Variants in ZNF93 observed in about 807,000 individuals in gnomAD.
ZNF93 encodes the protein zinc finger protein 505.
A neutral mutation model predicts 45.0 loss-of-function variants in ZNF93; 29 were observed. The ratio of observed to expected loss-of-function variants is 0.64; its 90% CI spans 0.48 to 0.88. The LOEUF is 0.88. Ranked by LOEUF, ZNF93 falls within the 40% of genes least tolerant of loss-of-function variation. The probability of loss-of-function intolerance (pLI) is 0.00; values close to 1 mark genes in which losing one functional copy is unlikely to be tolerated. For synonymous variants in ZNF93, 223 were observed against 244.6 expected, an observed-to-expected ratio of 0.91 and a Z score of 0.82; for missense variants, 578 against 724.0, an observed-to-expected ratio of 0.80 and a Z score of 2.31.
rs771506060 is a variant in ZNF93, at chr19:19,934,540, A to C, written c.1585A>C (p.Lys529Gln). ...NQSSTLIKHK[K>Q]IHTREKPYKC... is the part of the protein sequence containing the mutation. ...GTCCTCAACCCTTATTAAACATAAG[A>C]AAATTCATACTAGAGAGAAACCCTA... The change falls in exon 4 of 4, where the codon AAA becomes CAA. Residue 529 changes from lysine to glutamine, a missense_variant. This residue lies in a region of ZNF93 where 119 missense variants were observed against 123.1 expected (regional missense o/e 0.97). Coordinates refer to ENST00000343769, the MANE Select transcript of ZNF93 (RefSeq NM_031218.4). The C allele has an allele frequency of 2.5e-6, 4 of 1,613,486 alleles. No homozygotes were observed. The South Asian group carries it at 4.4e-5, about 18-fold the overall frequency.
intron 3 of ZNF93, among the ~76,000 whole-genome samples, chr19:19,921,753 C>T (rs2122182979): frequency 6.6e-6 from 1 of 151,996 alleles, no homozygotes; most frequent in South Asian, 2.1e-4. Flanking sequence ...TTATCAGAGA[C>T]TAGGATTGCA....
intron 3 of ZNF93, among the ~76,000 whole-genome samples, chr19:19,925,940 G>A (rs1047244477): frequency 6.5e-4 from 99 of 152,034 alleles, no homozygotes; most frequent in African/African-American, 2.3e-3. Flanking sequence ...AATTTATTAA[G>A]TTTCTTATTA....
rs146610696 is a variant in ZNF93, at chr19:19,934,311, C to G, written c.1356C>G (p.Pro452=). ...AGATCATTCATACTGGAAAGAAACCCTACAAGTGTGAAGAATGTGGCAAAG... is the reference window on the plus strand; with the variant it reads ...AGATCATTCATACTGGAAAGAAACCGTACAAGTGTGAAGAATGTGGCAAAG... ...KHEIIHTGKK[P]YKCEECGKAF... The change falls in exon 4 of 4, where the codon CCC becomes CCG. Residue 452 remains proline, a synonymous_variant. Coordinates refer to ENST00000343769, the MANE Select transcript of ZNF93 (RefSeq NM_031218.4). 4 of 1,596,042 alleles carry G rather than the reference C, an allele frequency of 2.5e-6. No homozygotes were observed. The African/African-American group carries it at 4.0e-5, about 16-fold the overall frequency.
intron 2 of ZNF93, 114 bp downstream of exon 2, chr19:19,915,520 T>G: frequency 7.2e-7 from 1 of 1,388,568 alleles, no homozygotes; most frequent in Non-Finnish European, 9.6e-7. Flanking sequence ...CAGATCCATT[T>G]TTTCCAGAAA....
chr19:19,914,996 A>G (rs982086614), intron 1 of ZNF93, among the ~76,000 whole-genome samples: 6 of 152,230 alleles, frequency 3.9e-5, no homozygotes, highest in Admixed American at 3.3e-4. Flanking sequence ...TATGATGTAA[A>G]TATAGCACTC....
At chr19:19,915,019 G>T (rs1191832027) in intron 1 of ZNF93, among the ~76,000 whole-genome samples, 1 of 152,086 alleles carries the variant, frequency 6.6e-6, no homozygotes, top group Non-Finnish European at 1.5e-5. Flanking sequence ...AAATGTACAT[G>T]TTCATGTTCA....
At chr19:19,906,573 T>C (rs920439870) in intron 1 of ZNF93, among the ~76,000 whole-genome samples, 18 of 152,192 alleles carry the variant, frequency 1.2e-4, no homozygotes, top group Non-Finnish European at 4.4e-5. Flanking sequence ...TACAGTTGCT[T>C]TTCGTAGCTT....
chr19:19,900,960 C>T lies in ZNF93; in HGVS notation c.-129C>T. On this transcript the variant is annotated 5_prime_UTR_variant, in exon 1 of 4. Coordinates refer to ENST00000343769, the MANE Select transcript of ZNF93 (RefSeq NM_031218.4). Reference sequence around the variant, plus strand: ...GCGGGTCCTTTGTCTCTCGGTGCAGCCGGAGCTCCAGGTCTCCTCTTCACT... The same window carrying T: ...GCGGGTCCTTTGTCTCTCGGTGCAGTCGGAGCTCCAGGTCTCCTCTTCACT... 3 of 1,472,554 alleles carry T rather than the reference C, an allele frequency of 2.0e-6. No individual in the cohort carries two copies. The highest frequency in any genetic ancestry group is 3.6e-5 in the Admixed American group (2 of 56,066). 91.2% of individuals were successfully genotyped at this position (1,472,554 alleles called of 1,614,324 possible). A position where few individuals can be genotyped will look rare whatever the true frequency, so the allele number is the denominator to read the frequency against.
At chr19:19,902,564 A>AGT (rs888575714) in intron 1 of ZNF93, among the ~76,000 whole-genome samples, 1 of 151,484 alleles carries the variant, frequency 6.6e-6, no homozygotes, top group African/African-American at 2.4e-5. Flanking sequence ...AGCCAACAGG[A>AGT]GTTTATAAAG....
intron 1 of ZNF93, among the ~76,000 whole-genome samples, chr19:19,910,296 A>T (rs2063304084): frequency 1.3e-5 from 2 of 152,146 alleles, no homozygotes; most frequent in Admixed American, 1.3e-4. Flanking sequence ...AAGTACTGTT[A>T]TGTCTTTCTC....
At chr19:19,923,685 C>T (rs562793386) in intron 3 of ZNF93, among the ~76,000 whole-genome samples, 4 of 152,120 alleles carry the variant, frequency 2.6e-5, no homozygotes, top group Non-Finnish European at 4.4e-5. Context: ...TAGCAATGAG[C>T]GAGGCTCCAT....
intron 1 of ZNF93, among the ~76,000 whole-genome samples, 160 bp downstream of exon 1, chr19:19,901,251 C>T (rs568228213): frequency 1.3e-5 from 2 of 152,282 alleles, no homozygotes; most frequent in African/African-American, 2.4e-5. Flanking sequence ...CATAAGATGG[C>T]GGCTGCGCTT....
intron 3 of ZNF93, among the ~76,000 whole-genome samples, chr19:19,930,575 G>T (rs901227989): frequency 7.1e-6 from 1 of 140,298 alleles, no homozygotes; most frequent in Non-Finnish European, 1.5e-5. Context: ...CTTCCCAGAC[G>T]CTGGCATTAC....
intron 3 of ZNF93, 55 bp downstream of exon 3, chr19:19,916,710 CA>C (rs1370051024): frequency 3.8e-6 from 5 of 1,309,048 alleles, no homozygotes; most frequent in Non-Finnish European, 5.3e-6. Context: ...GTCCCAAGGC[CA>C]AAGAGAAAGC....
At chr19:19,921,602 A>G (rs999333506) in intron 3 of ZNF93, among the ~76,000 whole-genome samples, 15 of 152,166 alleles carry the variant, frequency 9.9e-5, no homozygotes, top group South Asian at 4.2e-4. Context: ...GTCTCTAAGG[A>G]CTTGCTTTAT....
At chr19:19,931,879 A>G (rs2063375451) in intron 3 of ZNF93, 1 of 235,076 alleles carries the variant, frequency 4.3e-6, no homozygotes, top group Non-Finnish European at 8.5e-6. Context: ...AAAACTGGAG[A>G]TTACATACAT....
intron 1 of ZNF93, among the ~76,000 whole-genome samples, 195 bp from the exon 2 acceptor site, chr19:19,915,085 G>C (rs1472452434): frequency 4.6e-5 from 7 of 152,216 alleles, no homozygotes; most frequent in South Asian, 2.1e-4. Flanking sequence ...AACTGATGTT[G>C]TGGATCTAAT....
intron 3 of ZNF93, among the ~76,000 whole-genome samples, chr19:19,918,976 A>T (rs1166621293): frequency 6.6e-6 from 1 of 151,924 alleles, no homozygotes; most frequent in Non-Finnish European, 1.5e-5. Flanking sequence ...CCATTTGTCA[A>T]TTTTGGCTTT....
chr19:19,916,771 C>T (rs991791087), intron 3 of ZNF93, 116 bp downstream of exon 3: 1 of 702,120 alleles, frequency 1.4e-6, no homozygotes, highest in Non-Finnish European at 2.3e-6. Context: ...GAAATAGTTC[C>T]TGGGCAGCTG....
Sources: allele counts gnomAD v4.1 joint callset (sites outside exome capture counted in the v4.1 genomes callset), GRCh38; gene constraint gnomAD v4.1.1; regional missense constraint gnomAD v4.1.1; transcripts MANE v1.5; gene names NCBI Gene and HGNC (gene_info 2026-07-23, HGNC 2026-07-21).